The following AGAP1 variants were observed in gnomAD, a reference collection of about 807,000 sequenced individuals.
The protein encoded by AGAP1 is ArfGAP with GTPase domain, ankyrin repeat and PH domain 1, also known as arf-GAP with GTPase, ANK repeat and PH domain-containing protein 1.
In AGAP1, 29 loss-of-function variants were observed where a neutral mutation model predicts 105.3. That is an observed-to-expected ratio of 0.28 (90% CI 0.21 to 0.38). AGAP1 has a LOEUF of 0.38. AGAP1 is among the 10% of genes least tolerant of loss of function. AGAP1 has a pLI of 1.00. For synonymous variants in AGAP1, 509 were observed against 485.9 expected (o/e 1.05, Z -0.63); for missense variants, 998 against 1,165.1 (o/e 0.86, Z 2.09).
Position 235,712,133 on chromosome 2 carries a change from G to A in AGAP1, c.222+2896G>A, listed in dbSNP as rs1022141991. Among the ~76,000 whole-genome samples, 6 of 151,888 alleles carry A rather than the reference G, an allele frequency of 4.0e-5. No individual in the cohort carries two copies. The highest frequency in any genetic ancestry group is 1.4e-4 in the African/African-American group (6 of 41,414). On this transcript the variant is annotated intron_variant, in intron 2 of 17. Transcript: ENST00000304032. The surrounding 1 kb of genome is among the most constrained non-coding windows in gnomAD (Gnocchi z 6.0). ...TGCCTCCTGGGTTCAAGTGATTCTCGTGCCTCAGCCTCCCAAGTAGCTGGG... is the reference window on the plus strand; with the variant it reads ...TGCCTCCTGGGTTCAAGTGATTCTCATGCCTCAGCCTCCCAAGTAGCTGGG...
chr2:235,609,453 G>T lies in AGAP1; in HGVS notation c.164-99726G>T, dbSNP rs1181362144. ...GCACGATCATTCGAGATTCCAAGAGGTAAGAACTGGGGGCTGGGCTGTGGA... is the reference window on the plus strand; with the variant it reads ...GCACGATCATTCGAGATTCCAAGAGTTAAGAACTGGGGGCTGGGCTGTGGA... On this transcript the variant is annotated intron_variant, in intron 1 of 17. Coordinates refer to ENST00000304032, the MANE Select transcript of AGAP1 (RefSeq NM_001037131.3). This position sits in a 1 kb window ranked among gnomAD's most constrained non-coding sequence, Gnocchi z 5.1. Among the ~76,000 whole-genome samples the T allele has an allele frequency of 6.6e-6, 1 of 152,162 alleles. No homozygotes were observed. The highest frequency in any genetic ancestry group is 2.4e-5 in the African/African-American group (1 of 41,430).
rs1163883538 is a variant in AGAP1, at chr2:235,981,256, C to G, written c.1645+12633C>G. Among the ~76,000 whole-genome samples, 1 of 152,082 alleles carries G rather than the reference C, an allele frequency of 6.6e-6. No individual in the cohort carries two copies. The highest frequency in any genetic ancestry group is 1.9e-4 in the East Asian group (1 of 5,190). On this transcript the variant is annotated intron_variant, in intron 13 of 17. Transcript: ENST00000304032. The surrounding 1 kb of genome is among the most constrained non-coding windows in gnomAD (Gnocchi z 5.5). Reference sequence around the variant, plus strand: ...CAGGTATTTCAATAACTTGATTTGACTCTTCTTAATTAAATAAATAGGTAG... The same window carrying G: ...CAGGTATTTCAATAACTTGATTTGAGTCTTCTTAATTAAATAAATAGGTAG...
rs573135388 is a variant in AGAP1 at position 235,688,234 on chromosome 2, A to G, written c.164-20945A>G. On this transcript the variant is annotated intron_variant, in intron 1 of 17. Transcript: ENST00000304032. Reference sequence around the variant, plus strand: ...CCCTCGGATCTTGAACCTCCTGTCTACTCTTGCTGGGCTGTAGATGGACAG... The same window carrying G: ...CCCTCGGATCTTGAACCTCCTGTCTGCTCTTGCTGGGCTGTAGATGGACAG... 3.6e-4 allele frequency among the ~76,000 whole-genome samples: 55 copies of G among 151,626 alleles called. No individual in the cohort carries two copies. In the Middle Eastern group the frequency reaches 0.017, roughly 47 times the overall value.
At chr2:235,759,367 C>T (rs1954229643) in intron 6 of AGAP1, among the ~76,000 whole-genome samples, 1 of 151,444 alleles carries the variant, frequency 6.6e-6, no homozygotes, top group South Asian at 2.1e-4. Flanking sequence ...GACGGGCTTT[C>T]ACCGTGTTAG....
intron 10 of AGAP1, among the ~76,000 whole-genome samples, chr2:235,899,382 A>G (rs188913815): frequency 2.0e-5 from 3 of 152,250 alleles, no homozygotes; most frequent in Admixed American, 2.0e-4. Flanking sequence ...GCATGGTTGC[A>G]GGCGCCTGTA....
At chr2:235,512,584 A>T (rs993921234) in intron 1 of AGAP1, among the ~76,000 whole-genome samples, 4 of 152,122 alleles carry the variant, frequency 2.6e-5, no homozygotes, top group African/African-American at 9.7e-5. Context: ...ACAGAGTGAG[A>T]CCCTATCATT....
intron 1 of AGAP1, among the ~76,000 whole-genome samples, chr2:235,651,326 G>C (rs971552373): frequency 6.6e-6 from 1 of 150,708 alleles, no homozygotes; most frequent in Non-Finnish European, 1.5e-5. Flanking sequence ...CTGAGAAAAC[G>C]ATCTGCCAGA....
At chr2:236,033,160 G>A (rs924915723) in intron 13 of AGAP1, among the ~76,000 whole-genome samples, 4 of 152,132 alleles carry the variant, frequency 2.6e-5, no homozygotes, top group South Asian at 4.1e-4. Flanking sequence ...CAGGAGAATC[G>A]CTTGAACTTG....
At chr2:235,654,372 G>A (rs906606030) in intron 1 of AGAP1, among the ~76,000 whole-genome samples, 2 of 152,184 alleles carry the variant, frequency 1.3e-5, no homozygotes, top group African/African-American at 4.8e-5. Flanking sequence ...CACAGCTGGG[G>A]ATGCTTAACT....
intron 1 of AGAP1, among the ~76,000 whole-genome samples, chr2:235,675,351 C>T (rs192002629): frequency 8.3e-4 from 126 of 152,020 alleles, no homozygotes; most frequent in South Asian, 2.1e-3. Flanking sequence ...CCACCACGCC[C>T]GGCTAATTTA....
chr2:236,022,348 C>G (rs538229140), intron 13 of AGAP1, among the ~76,000 whole-genome samples: 2 of 152,310 alleles, frequency 1.3e-5, no homozygotes, highest in East Asian at 3.9e-4. Context: ...ACTCTCTTGG[C>G]TAGACAAAGA....
chr2:235,842,886 C>T lies in AGAP1; in HGVS notation c.1050+35555C>T, dbSNP rs1961026831. Among the ~76,000 whole-genome samples the T allele has an allele frequency of 6.6e-6, 1 of 152,124 alleles. No homozygotes were observed. The highest frequency in any genetic ancestry group is 2.4e-5 in the African/African-American group (1 of 41,430). Reference sequence around the variant, plus strand: ...GGGATTATAGGCATGTGCCACCATGCCCAGCTAATTTTGTATTTTTGGTAG... The same window carrying T: ...GGGATTATAGGCATGTGCCACCATGTCCAGCTAATTTTGTATTTTTGGTAG... On this transcript the variant is annotated intron_variant, in intron 9 of 17. Coordinates refer to ENST00000304032, the MANE Select transcript of AGAP1 (RefSeq NM_001037131.3). The surrounding 1 kb of genome is among the most constrained non-coding windows in gnomAD (Gnocchi z 5.3).
intron 1 of AGAP1, among the ~76,000 whole-genome samples, chr2:235,503,539 G>A (rs1200741507): frequency 6.6e-6 from 1 of 152,158 alleles, no homozygotes; most frequent in Non-Finnish European, 1.5e-5. Flanking sequence ...TTTGGGTTTG[G>A]AATTGGTGGG....
At chr2:236,077,632 AAAG>A (rs2058676135) in intron 16 of AGAP1, among the ~76,000 whole-genome samples, 1 of 152,170 alleles carries the variant, frequency 6.6e-6, no homozygotes, top group Non-Finnish European at 1.5e-5. Context: ...TATGTCTTTT[AAAG>A]CGTTATTTTT....
At chr2:235,892,632 A>T (rs1398509737) in intron 10 of AGAP1, among the ~76,000 whole-genome samples, 1 of 152,016 alleles carries the variant, frequency 6.6e-6, no homozygotes, top group Non-Finnish European at 1.5e-5. Context: ...GGCTGTGCTC[A>T]GTGCCTGTAA....
Position 235,633,836 on chromosome 2 carries a change from C to A in AGAP1, c.164-75343C>A, listed in dbSNP as rs1053504644. Among the ~76,000 whole-genome samples, 2 of 152,080 alleles carry A rather than the reference C, an allele frequency of 1.3e-5. No individual in the cohort carries two copies. The highest frequency in any genetic ancestry group is 4.8e-5 in the African/African-American group (2 of 41,392). ...GGAAAAGGGGTTTTGGTTTCTATGA[C>A]CTGTCTTAGGGATGAAGAATTCTAG... On this transcript the variant is annotated intron_variant, in intron 1 of 17. Transcript: ENST00000304032. This position sits in a 1 kb window ranked among gnomAD's most constrained non-coding sequence, Gnocchi z 4.8.
At chr2:236,103,682 G>T (rs983844804) in intron 16 of AGAP1, among the ~76,000 whole-genome samples, 1 of 151,900 alleles carries the variant, frequency 6.6e-6, no homozygotes, top group Non-Finnish European at 1.5e-5. Context: ...CAGTTCTCCT[G>T]CCTCAGCCTC....
rs150458947 is a variant in AGAP1 at position 235,797,847 on chromosome 2, C to T, written c.762C>T (p.Ser254=). The T allele has an allele frequency of 4.6e-5, 74 of 1,614,074 alleles. No homozygotes were observed. In the African/African-American group the frequency reaches 6.7e-4, roughly 15 times the overall value. The change falls in exon 7 of 18, where the codon TCC becomes TCT. Residue 254 remains serine (S), a synonymous_variant. Transcript: ENST00000304032. The part of the protein sequence containing the change: ...KSLPNSPSHS[S]VCSAQVSAVH... ...TACCTAATTCTCCCAGCCATTCCTC[C>T]GTCTGTTCCGCGCAGGTGTCTGCCG...
chr2:235,635,396 A>G lies in AGAP1; in HGVS notation c.164-73783A>G, dbSNP rs943369494. On this transcript the variant is annotated intron_variant, in intron 1 of 17. Coordinates refer to ENST00000304032, the MANE Select transcript of AGAP1 (RefSeq NM_001037131.3). This position sits in a 1 kb window ranked among gnomAD's most constrained non-coding sequence, Gnocchi z 5.3. ...TTCTCTGCCCGTAGGATTGACTTTC[A>G]TCTTGCCTGGTAATAAGCCCTCCTA... 6.6e-6 allele frequency among the ~76,000 whole-genome samples: 1 copy of G among 152,118 alleles called. No individual in the cohort carries two copies. Among genetic ancestry groups the G allele is most frequent in the African/African-American group, 2.4e-5 (1 of 41,412 alleles).
Sources: gnomAD v4.1 joint callset for allele counts (sites outside exome capture counted in the v4.1 genomes callset) on GRCh38, gnomAD v4.1.1 for gene constraint, Gnocchi (gnomAD v3.1) non-coding constraint, MANE v1.5 for transcripts, NCBI Gene and HGNC (gene_info 2026-07-23, HGNC 2026-07-21) for gene names.